The following GSS variants were observed in gnomAD, a reference collection of about 807,000 sequenced individuals.
GSS encodes glutathione synthetase, also known as GSH synthetase.
A neutral mutation model predicts 60.4 loss-of-function variants in GSS; 34 were observed. That is an observed-to-expected ratio of 0.56 (90% CI 0.43 to 0.75). The LOEUF (loss-of-function observed/expected upper bound fraction) is 0.75, where lower values mean the gene tolerates loss of function less well. Among genes scored for constraint, GSS ranks in the 30% least tolerant of loss-of-function variants. The pLI, the probability that GSS is intolerant of heterozygous loss-of-function variation, is 0.00. For missense variants in GSS, 499 were observed against 595.1 expected (o/e 0.84, Z 1.68); for synonymous variants, 224 against 239.0 (o/e 0.94, Z 0.58).
At chr20:34,938,617 C>G (rs1459519328) in intron 6 of GSS, among the ~76,000 whole-genome samples, 1 of 152,150 alleles carries the variant, frequency 6.6e-6, no homozygotes, top group African/African-American at 2.4e-5. Context: ...GGCTGGCCCA[C>G]CTCCAAAAAG....
At chr20:34,932,308 T>C (rs1255195368) in intron 9 of GSS, among the ~76,000 whole-genome samples, 175 bp from the exon 10 acceptor site, 1 of 152,244 alleles carries the variant, frequency 6.6e-6, no homozygotes, top group Admixed American at 6.5e-5. Context: ...TTATGTATCA[T>C]TGTGCCAGAC....
At chr20:34,945,334 A>G (rs950769771) in intron 3 of GSS, among the ~76,000 whole-genome samples, 1 of 151,546 alleles carries the variant, frequency 6.6e-6, no homozygotes, top group African/African-American at 2.4e-5. Flanking sequence ...ATATATATTT[A>G]ATTCTAAAAT....
chr20:34,946,780 T>C (rs1055742460), intron 2 of GSS: 5 of 152,218 alleles, frequency 3.3e-5, no homozygotes, highest in Non-Finnish European at 7.3e-5. Flanking sequence ...GGAGTGTTTT[T>C]TCCACCAATG....
In GSS at chr20:34,942,550, G is replaced by T. The variant is rs145606015; in HGVS notation, c.429C>A (p.Ile143=). 2.4e-4 allele frequency: 394 copies of T among 1,613,934 alleles called. 1 individual carries two copies. Among genetic ancestry groups the T allele is most frequent in the Non-Finnish European group, 3.1e-4 (364 of 1,179,854 alleles). ...SADGSPALKQ[I]EINTISASFG... ...AGCTGGCAGAGATGGTGTTGATTTC[G>T]ATCTGTTTCAGGGCTGGGGAGCCAT... is the stretch of plus-strand genomic sequence containing the variant. The change falls in exon 5 of 13, where the codon ATC becomes ATA. Residue 143 remains isoleucine, a synonymous_variant. Coordinates refer to ENST00000651619, the MANE Select transcript of GSS (RefSeq NM_000178.4).
chr20:34,935,718 G>A lies in GSS; in HGVS notation c.768-76C>T, dbSNP rs17092180. 21,101 of 1,176,952 alleles carry A rather than the reference G, an allele frequency of 0.018. 2,786 individuals are homozygous for A. The African/African-American group carries it at 0.28, about 16-fold the overall frequency. The allele number at this position is 1,176,952 out of a possible 1,614,324, so 72.9% of individuals were successfully genotyped here. On this transcript the variant is annotated intron_variant, in intron 8 of 12. Transcript: ENST00000651619. ...TCAGTGGTTCAATCTATTTCAGGGT[G>A]CATCAAGATGAATTTGGCTTTTTCA... is the stretch of plus-strand genomic sequence containing the variant.
At position 34,945,678 on chromosome 20, in the gene GSS, T is replaced by TA. The variant is rs66723885; in HGVS notation, c.275+274dup. ...GTCACGGATTACAGAATGTCAACAA[T>TA]AAAGGGATCTTGGATTTAAGCCAGT... On this transcript the variant is annotated intron_variant, in intron 3 of 12. Transcript: ENST00000651619. Among the ~76,000 whole-genome samples, 152,311 of 152,312 alleles carry TA rather than the reference T, an allele frequency of 1. 76,155 individuals carry two copies. The highest frequency in any genetic ancestry group is 1 in the Non-Finnish European group (68,042 of 68,042).
At chr20:34,930,823 C>G (rs925211631) in intron 11 of GSS, among the ~76,000 whole-genome samples, 3 of 152,176 alleles carry the variant, frequency 2.0e-5, no homozygotes, top group Non-Finnish European at 2.9e-5. Flanking sequence ...CCCAGCTCCC[C>G]CTCCAGCCTC....
chr20:34,933,855 C>T (rs1209005685), intron 9 of GSS: 1 of 152,102 alleles, frequency 6.6e-6, no homozygotes, highest in African/African-American at 2.4e-5. Context: ...CATGTCTAAA[C>T]CTGCTCTGAG....
chr20:34,938,255 GTAT>G (rs2081456151), intron 6 of GSS, among the ~76,000 whole-genome samples: 2 of 152,212 alleles, frequency 1.3e-5, no homozygotes, highest in South Asian at 2.1e-4. Context: ...TTCTAAGTGT[GTAT>G]TCCCTGACCT....
chr20:34,929,491 T>C lies in GSS; in HGVS notation c.1211A>G (p.Glu404Gly), dbSNP rs1346168426. The stretch of plus-strand genomic sequence containing the variant: ...CCGTAGCAGGCAATTCTCAAAAGGC[T>C]CAGGTTCGATCTTCTCCATGAGGAT... ...SYILMEKIEP[E>G]PFENCLLRPG... The change falls in exon 12 of 13, where the codon GAG becomes GGG. Residue 404 changes from glutamate (E) to glycine (G), a missense_variant. Glu to Gly is a moderately conservative substitution (Grantham distance 98). Transcript: ENST00000651619. 1 of 1,614,072 alleles carries C rather than the reference T, an allele frequency of 6.2e-7. No homozygotes were observed. The highest frequency in any genetic ancestry group is 1.1e-5 in the South Asian group (1 of 91,082).
intron 2 of GSS, 115 bp from the exon 3 acceptor site, chr20:34,946,213 G>A (rs1248045783): frequency 2.5e-6 from 2 of 792,494 alleles, no homozygotes; most frequent in Non-Finnish European, 4.1e-6. Flanking sequence ...CACACCAACT[G>A]TAGATTAGTG....
intron 8 of GSS, among the ~76,000 whole-genome samples, chr20:34,935,956 A>G (rs1280063041): frequency 4.6e-5 from 7 of 152,358 alleles, no homozygotes; most frequent in African/African-American, 1.2e-4. Context: ...TTGGCTCGAA[A>G]TTACCGAGCA....
intron 3 of GSS, 112 bp downstream of exon 3, chr20:34,945,841 C>T (rs980210983): frequency 3.0e-5 from 36 of 1,180,620 alleles, no homozygotes; most frequent in Non-Finnish European, 4.4e-5. Flanking sequence ...TTGGAGGTAC[C>T]TTTCCTCTAT....
At chr20:34,944,871 T>G (rs1294781926) in intron 3 of GSS, among the ~76,000 whole-genome samples, 3 of 152,188 alleles carry the variant, frequency 2.0e-5, no homozygotes, top group Admixed American at 2.0e-4. Context: ...GTTCAACAAG[T>G]TTTGAATTTT....
chr20:34,945,152 C>T (rs1044115545), intron 3 of GSS, among the ~76,000 whole-genome samples: 1 of 151,552 alleles, frequency 6.6e-6, no homozygotes, highest in African/African-American at 2.4e-5. Context: ...TCCCAAGTAG[C>T]TGGGATTATA....
chr20:34,942,967 G>A lies in GSS; in HGVS notation c.315C>T (p.Asp105=), dbSNP rs1444390715. 1.9e-6 allele frequency: 3 copies of A among 1,611,912 alleles called. No homozygotes were observed. In the Admixed American group the frequency reaches 5.0e-5, roughly 27 times the overall value. ...KQDDFTARLF[D]IHKQVLKEGI... ...CCTCTTTTAGGACTTGCTTGTGGATGTCAAAGAGACGAGCGGTAAAGTCAT... is the reference window on the plus strand; with the variant it reads ...CCTCTTTTAGGACTTGCTTGTGGATATCAAAGAGACGAGCGGTAAAGTCAT... Residue 105 remains aspartate, a synonymous_variant, in exon 4 of 13, where the codon GAC becomes GAT. Transcript: ENST00000651619.
chr20:34,941,415 G>A (rs1405635128), intron 6 of GSS, among the ~76,000 whole-genome samples: 3 of 151,630 alleles, frequency 2.0e-5, no homozygotes, highest in African/African-American at 4.8e-5. Context: ...AGCTATTAGC[G>A]CAGGCAAACA....
At chr20:34,940,270 G>A (rs1360825396) in intron 6 of GSS, among the ~76,000 whole-genome samples, 2 of 152,174 alleles carry the variant, frequency 1.3e-5, no homozygotes, top group Admixed American at 6.5e-5. Flanking sequence ...CCACGTTACT[G>A]ACAGGCTGGC....
chr20:34,952,010 T>C lies in GSS; in HGVS notation c.-8-150A>G, dbSNP rs2081573376. ...TATACAGGAGTGAACACTGGCTGGT[T>C]CTAGCTCTTAACAACTTCCATGTGC... On this transcript the variant is annotated intron_variant, in intron 1 of 12. Coordinates refer to ENST00000651619, the MANE Select transcript of GSS (RefSeq NM_000178.4). 1.6e-5 allele frequency: 12 copies of C among 752,110 alleles called. No homozygotes were observed. In the East Asian group the frequency reaches 3.2e-4, roughly 20 times the overall value. The allele number at this position is 752,110 out of a possible 1,614,324, so 46.6% of individuals were successfully genotyped here.
Sources: gnomAD v4.1 joint callset for allele counts (sites outside exome capture counted in the v4.1 genomes callset) on GRCh38, gnomAD v4.1.1 for gene constraint, MANE v1.5 for transcripts, NCBI Gene and HGNC (gene_info 2026-07-23, HGNC 2026-07-21) for gene names.